Variants in RBMS3 observed in about 807,000 individuals in gnomAD.
The protein encoded by RBMS3 is RNA binding motif single stranded interacting protein 3, also known as RNA-binding motif, single-stranded-interacting protein 3.
In RBMS3, 27 loss-of-function variants were observed where a neutral mutation model predicts 66.8. The ratio of observed to expected loss-of-function variants is 0.40; its 90% CI spans 0.30 to 0.56. The LOEUF is 0.56. RBMS3 is among the 20% of genes least tolerant of loss of function. RBMS3 has a pLI of 0.40. For missense variants in RBMS3, 513 were observed against 549.5 expected (o/e 0.93, Z 0.66); for synonymous variants, 188 against 183.0 (o/e 1.03, Z -0.22).
chr3:29,454,391 T>C lies in RBMS3; in HGVS notation c.248+19476T>C, dbSNP rs11919337. 7.0e-3 allele frequency among the ~76,000 whole-genome samples: 1,068 copies of C among 152,300 alleles called. 14 individuals carry two copies. Among genetic ancestry groups the C allele is most frequent in the African/African-American group, 0.025 (1,022 of 41,566 alleles). On this transcript the variant is annotated intron_variant, in intron 2 of 14. Transcript: ENST00000383767. Reference sequence around the variant, plus strand: ...CCGTAATACTGTTTGCAGCACTGTGTCCTCCATGTTGATTCCTGGGTAATT... The same window carrying C: ...CCGTAATACTGTTTGCAGCACTGTGCCCTCCATGTTGATTCCTGGGTAATT...
At chr3:29,316,927 G>A (rs2034716870) in intron 1 of RBMS3, among the ~76,000 whole-genome samples, 1 of 151,620 alleles carries the variant, frequency 6.6e-6, no homozygotes, top group Admixed American at 6.6e-5. Flanking sequence ...TATAAACAAT[G>A]AATACTGGAG....
intron 4 of RBMS3, among the ~76,000 whole-genome samples, chr3:29,600,209 A>G (rs1226737257): frequency 6.6e-6 from 1 of 152,040 alleles, no homozygotes; most frequent in East Asian, 1.9e-4. Context: ...CAGAATGCCA[A>G]TATTTGCACG....
At chr3:29,685,345 G>A (rs1404570141) in intron 4 of RBMS3, among the ~76,000 whole-genome samples, 9 of 152,220 alleles carry the variant, frequency 5.9e-5, no homozygotes, top group Non-Finnish European at 1.3e-4. Flanking sequence ...ACAGGCGCGA[G>A]CTGCAGCGCC....
intron 2 of RBMS3, among the ~76,000 whole-genome samples, chr3:29,437,005 C>G (rs1035505583): frequency 1.3e-5 from 2 of 152,246 alleles, no homozygotes; most frequent in East Asian, 1.9e-4. Flanking sequence ...CTTCCTCCCT[C>G]TAAGCCTCAG....
At chr3:29,386,514 C>G (rs1243612223) in intron 1 of RBMS3, among the ~76,000 whole-genome samples, 1 of 152,114 alleles carries the variant, frequency 6.6e-6, no homozygotes, top group Non-Finnish European at 1.5e-5. Flanking sequence ...TCATGAGGGT[C>G]CTTCGTAGCA....
At chr3:29,571,102 G>A (rs1389987945) in intron 3 of RBMS3, among the ~76,000 whole-genome samples, 1 of 151,886 alleles carries the variant, frequency 6.6e-6, no homozygotes, top group African/African-American at 2.4e-5. Flanking sequence ...CTTTCCATAT[G>A]CCTGTTTGCC....
At chr3:29,555,086 G>A (rs528711145) in intron 3 of RBMS3, among the ~76,000 whole-genome samples, 2 of 152,118 alleles carry the variant, frequency 1.3e-5, no homozygotes, top group South Asian at 2.1e-4. Flanking sequence ...CCTTAGCAGG[G>A]TGTTAGACCT....
intron 1 of RBMS3, among the ~76,000 whole-genome samples, chr3:29,357,447 A>G (rs1253500524): frequency 3.3e-5 from 5 of 152,158 alleles, no homozygotes; most frequent in African/African-American, 1.2e-4. Context: ...CCAGTCTATC[A>G]TTGGTGGACA....
At position 30,000,281 on chromosome 3, in the gene RBMS3, T is replaced by G. The variant is rs534854071; in HGVS notation, c.1308-3575T>G. On this transcript the variant is annotated intron_variant, in intron 14 of 14. Transcript: ENST00000383767. The stretch of plus-strand genomic sequence containing the variant: ...AAGACATTTATGCAGCCAACAAACA[T>G]GAAAAAAAGCTCATCACCACTGATT... Among the ~76,000 whole-genome samples, 16 of 152,004 alleles carry G rather than the reference T, an allele frequency of 1.1e-4. No individual in the cohort carries two copies. In the South Asian group the frequency reaches 3.3e-3, roughly 32 times the overall value.
chr3:29,842,118 C>G (rs1290837461), intron 6 of RBMS3, among the ~76,000 whole-genome samples: 1 of 152,020 alleles, frequency 6.6e-6, no homozygotes. Flanking sequence ...TACATCTTTG[C>G]CCAGTAAAAT....
At chr3:29,857,939 C>T (rs1370927039) in intron 6 of RBMS3, among the ~76,000 whole-genome samples, 1 of 152,008 alleles carries the variant, frequency 6.6e-6, no homozygotes. Context: ...ATAATTATGC[C>T]ACAATACTAA....
chr3:29,897,297 C>T, intron 8 of RBMS3, 82 bp from the exon 9 acceptor site: 3 of 1,238,036 alleles, frequency 2.4e-6, no homozygotes, highest in South Asian at 2.4e-5. Context: ...ATATGTCTTT[C>T]CCATAGGTAC....
Position 29,944,192 on chromosome 3 carries a change from T to A in RBMS3, c.1051-15T>A. 2 of 1,574,430 alleles carry A rather than the reference T, an allele frequency of 1.3e-6. No individual in the cohort carries two copies. The highest frequency in any genetic ancestry group is 4.5e-5 in the East Asian group (2 of 44,594). The stretch of plus-strand genomic sequence containing the variant: ...TACTTCATTGCATTCTTTCTCATGC[T>A]CTTTTCATTCAAAGATTCAATCCCA... On this transcript the variant is annotated splice_polypyrimidine_tract_variant and intron_variant, in intron 11 of 14. Coordinates refer to ENST00000383767, the MANE Select transcript of RBMS3 (RefSeq NM_001003793.3).
intron 3 of RBMS3, among the ~76,000 whole-genome samples, chr3:29,523,975 A>AATCCTTCT (rs752709795): frequency 2.1e-4 from 32 of 152,006 alleles, no homozygotes; most frequent in Admixed American, 1.3e-3. Context: ...GGCCACAAGC[A>AATCCTTCT]ATCCTTCTAG....
intron 1 of RBMS3, among the ~76,000 whole-genome samples, chr3:29,307,167 T>A (rs888424709): frequency 1.3e-5 from 2 of 152,000 alleles, no homozygotes; most frequent in East Asian, 3.9e-4. Flanking sequence ...AATCATTACT[T>A]CCCTCCACTG....
chr3:29,497,929 A>AT (rs2043814428), intron 3 of RBMS3, among the ~76,000 whole-genome samples: 1 of 148,990 alleles, frequency 6.7e-6, no homozygotes, highest in Non-Finnish European at 1.5e-5. Flanking sequence ...TACCAAAGAC[A>AT]TACAGATGCA....
At chr3:29,499,745 C>G (rs2043894177) in intron 3 of RBMS3, among the ~76,000 whole-genome samples, 2 of 152,164 alleles carry the variant, frequency 1.3e-5, no homozygotes, top group African/African-American at 4.8e-5. Context: ...TTCTATGCCA[C>G]TTTTAAAAAC....
rs9882509 is a variant in RBMS3, at chr3:29,696,130, A to T, written c.400-43590A>T. ...ATCTCTGTAACAAAGATGGATGGTG[A>T]CACTTAATTATGGACACTCACAGGC... On this transcript the variant is annotated intron_variant, in intron 4 of 14. Coordinates refer to ENST00000383767, the MANE Select transcript of RBMS3 (RefSeq NM_001003793.3). Among the ~76,000 whole-genome samples the T allele has an allele frequency of 8.4e-3, 1,275 of 152,300 alleles. 12 individuals carry two copies. Among genetic ancestry groups the T allele is most frequent in the Middle Eastern group, 0.031 (9 of 294 alleles).
At chr3:29,689,156 G>A (rs2149270630) in intron 4 of RBMS3, among the ~76,000 whole-genome samples, 1 of 151,910 alleles carries the variant, frequency 6.6e-6, no homozygotes, top group South Asian at 2.1e-4. Context: ...TTCCTTTAGA[G>A]CTTGTATATT....
Sources: allele counts gnomAD v4.1 joint callset (sites outside exome capture counted in the v4.1 genomes callset), GRCh38; gene constraint gnomAD v4.1.1; transcripts MANE v1.5; gene names NCBI Gene and HGNC (gene_info 2026-07-23, HGNC 2026-07-21).